SLC27A6: variants seen among roughly 807,000 people sequenced by gnomAD.
SLC27A6 encodes solute carrier family 27 member 6.
SLC27A6 carries 74 observed loss-of-function variants against 63.9 expected under a neutral mutation model. That is an observed-to-expected ratio of 1.16 (90% CI 0.96 to 1.40). The LOEUF (loss-of-function observed/expected upper bound fraction) is 1.40. Ranked by LOEUF, SLC27A6 falls within the 40% of genes most tolerant of loss-of-function variation. SLC27A6 has a pLI of 0.00. For missense variants in SLC27A6, 794 were observed against 732.9 expected, an observed-to-expected ratio of 1.08 and a Z score of -0.96; for synonymous variants, 287 against 260.8, an observed-to-expected ratio of 1.10 and a Z score of -0.97.
At chr5:128,993,175 C>T (rs1751037111) in intron 4 of SLC27A6, among the ~76,000 whole-genome samples, 2 of 114,490 alleles carry the variant, frequency 1.7e-5, no homozygotes, top group Non-Finnish European at 4.4e-5. Context: ...ATGCCTGTTG[C>T]ACAGTGTCTG....
chr5:129,022,920 T>G (rs945306788), intron 5 of SLC27A6, among the ~76,000 whole-genome samples: 1 of 152,016 alleles, frequency 6.6e-6, no homozygotes, highest in Non-Finnish European at 1.5e-5. Flanking sequence ...GCCTGCATGA[T>G]GTGATAATAT....
Position 128,985,074 on chromosome 5 carries a change from A to G in SLC27A6, c.482-59A>G, listed in dbSNP as rs1040347292. On this transcript the variant is annotated intron_variant, in intron 1 of 9. Coordinates refer to ENST00000262462, the MANE Select transcript of SLC27A6 (RefSeq NM_001017372.3). ...TGTTTCAATACACAAAAGCAACTCC[A>G]AAGTGAATTGTTTGAGATTTAAGGT... is the stretch of plus-strand genomic sequence containing the variant. The G allele has an allele frequency of 3.1e-6, 4 of 1,276,872 alleles. No individual in the cohort carries two copies. In the African/African-American group the frequency reaches 4.5e-5, roughly 14 times the overall value. 79.1% of individuals were successfully genotyped at this position (1,276,872 alleles called of 1,614,324 possible).
At chr5:128,979,204 G>T (rs1410502948) in intron 1 of SLC27A6, among the ~76,000 whole-genome samples, 1 of 110,714 alleles carries the variant, frequency 9.0e-6, no homozygotes, top group African/African-American at 2.9e-5. Flanking sequence ...GAGATTTGTT[G>T]TATGGAGGGA....
At chr5:128,991,789 C>T (rs1750991925) in intron 4 of SLC27A6, among the ~76,000 whole-genome samples, 1 of 151,324 alleles carries the variant, frequency 6.6e-6, no homozygotes, top group South Asian at 2.1e-4. Context: ...TTTCCACATT[C>T]GTTTGATCAA....
intron 1 of SLC27A6, among the ~76,000 whole-genome samples, chr5:128,970,662 A>AG (rs1750113826): frequency 6.6e-6 from 1 of 151,814 alleles, no homozygotes; most frequent in Non-Finnish European, 1.5e-5. Flanking sequence ...CTTCTTTATT[A>AG]GTCTTGCTAG....
intron 5 of SLC27A6, among the ~76,000 whole-genome samples, chr5:129,019,372 T>A (rs1204340463): frequency 6.8e-6 from 1 of 146,606 alleles, no homozygotes; most frequent in Non-Finnish European, 1.5e-5. Context: ...AGAAAATGAA[T>A]CTAAATAAAA....
chr5:129,024,741 T>A (rs1251561107), intron 6 of SLC27A6, among the ~76,000 whole-genome samples: 1 of 152,188 alleles, frequency 6.6e-6, no homozygotes, highest in Non-Finnish European at 1.5e-5. Flanking sequence ...TATGGATAAA[T>A]CAAGCCAAAA....
intron 1 of SLC27A6, among the ~76,000 whole-genome samples, chr5:128,974,039 G>A (rs2150128548): frequency 6.6e-6 from 1 of 152,296 alleles, no homozygotes; most frequent in East Asian, 1.9e-4. Flanking sequence ...CTGTTTACAA[G>A]GGCCAACCAA....
chr5:128,982,262 C>T (rs1297090937), intron 1 of SLC27A6, among the ~76,000 whole-genome samples: 1 of 152,096 alleles, frequency 6.6e-6, no homozygotes, highest in Non-Finnish European at 1.5e-5. Context: ...AATTTTGTTA[C>T]ACTAAATTCT....
At chr5:129,016,882 C>G (rs1751915648) in intron 5 of SLC27A6, among the ~76,000 whole-genome samples, 3 of 152,140 alleles carry the variant, frequency 2.0e-5, no homozygotes, top group African/African-American at 7.2e-5. Context: ...AGATTGACAG[C>G]TGATTTCTCA....
chr5:128,995,872 T>C, intron 4 of SLC27A6, among the ~76,000 whole-genome samples: 1 of 152,048 alleles, frequency 6.6e-6, no homozygotes, highest in Non-Finnish European at 1.5e-5. Context: ...GGGATCTATC[T>C]TGAAGGAAAG....
At chr5:128,999,173 G>A (rs1240710608) in intron 4 of SLC27A6, among the ~76,000 whole-genome samples, 2 of 152,084 alleles carry the variant, frequency 1.3e-5, no homozygotes, top group African/African-American at 2.4e-5. Context: ...GTAGAAACAG[G>A]TTGACTAGAA....
chr5:129,009,666 T>A (rs1254900824), intron 4 of SLC27A6, among the ~76,000 whole-genome samples: 1 of 80,018 alleles, frequency 1.2e-5, no homozygotes, highest in African/African-American at 5.1e-5. Context: ...ATAGCTAACA[T>A]TTCTTTGTGT....
chr5:129,011,123 G>A (rs1426674577), intron 4 of SLC27A6, among the ~76,000 whole-genome samples: 1 of 152,130 alleles, frequency 6.6e-6, no homozygotes, highest in Non-Finnish European at 1.5e-5. Flanking sequence ...ATTCTTATAT[G>A]TGTCTTTTGG....
intron 1 of SLC27A6, among the ~76,000 whole-genome samples, chr5:128,977,636 G>A (rs1236352764): frequency 1.3e-5 from 2 of 152,156 alleles, no homozygotes; most frequent in Non-Finnish European, 2.9e-5. Context: ...CTAGATGTAT[G>A]AGCTTGAGTA....
At chr5:128,983,023 T>C (rs1750645866) in intron 1 of SLC27A6, among the ~76,000 whole-genome samples, 1 of 152,246 alleles carries the variant, frequency 6.6e-6, no homozygotes, top group South Asian at 2.1e-4. Context: ...GTTATAGATT[T>C]CATGAAAGTA....
intron 4 of SLC27A6, among the ~76,000 whole-genome samples, chr5:129,002,210 T>C (rs1413882962): frequency 6.6e-6 from 1 of 152,254 alleles, no homozygotes; most frequent in Non-Finnish European, 1.5e-5. Context: ...GAGCATTTTC[T>C]ACATGTTTGA....
intron 4 of SLC27A6, among the ~76,000 whole-genome samples, chr5:128,995,532 G>C (rs1465413748): frequency 1.3e-5 from 2 of 152,210 alleles, no homozygotes; most frequent in African/African-American, 4.8e-5. Context: ...ATGATGGACT[G>C]TGGGAGTAGG....
chr5:129,020,494 G>A (rs989466339), intron 5 of SLC27A6, among the ~76,000 whole-genome samples: 20 of 126,378 alleles, frequency 1.6e-4, no homozygotes, highest in Non-Finnish European at 1.7e-4. Flanking sequence ...AAATGGGAGT[G>A]GGGGGGAGGA....
Sources: gnomAD v4.1 joint callset for allele counts (sites outside exome capture counted in the v4.1 genomes callset) on GRCh38, gnomAD v4.1.1 for gene constraint, MANE v1.5 for transcripts, NCBI Gene and HGNC (gene_info 2026-07-23, HGNC 2026-07-21) for gene names.